Variants in CBFA2T3 observed in about 807,000 individuals in gnomAD.
CBFA2T3 encodes the protein CBFA2/RUNX1 partner transcriptional co-repressor 3, also known as transcriptional corepressor CBFA2T3.
CBFA2T3 carries 31 observed loss-of-function variants against 58.6 expected under a neutral mutation model. The observed-to-expected ratio is 0.53, with a 90% CI of 0.40 to 0.71. The LOEUF is 0.71. CBFA2T3 is among the 30% of genes least tolerant of loss of function. CBFA2T3 has a pLI of 0.00. For missense variants in CBFA2T3, 1,076 were observed against 963.1 expected (o/e 1.12, Z -1.55); for synonymous variants, 531 against 421.9 (o/e 1.26, Z -3.17).
At chr16:88,922,582 C>G (rs1970956955) in intron 1 of CBFA2T3, among the ~76,000 whole-genome samples, 1 of 152,214 alleles carries the variant, frequency 6.6e-6, no homozygotes, top group Non-Finnish European at 1.5e-5. Flanking sequence ...CCTCTCCTAT[C>G]CCACGCCAGG....
intron 1 of CBFA2T3, among the ~76,000 whole-genome samples, chr16:88,948,247 CT>C (rs1448509535): frequency 6.6e-6 from 1 of 152,232 alleles, no homozygotes; most frequent in African/African-American, 2.4e-5. Flanking sequence ...TCTGTCCCCC[CT>C]CAATTCTGTT....
At chr16:88,920,630 G>A (rs942351479) in intron 1 of CBFA2T3, among the ~76,000 whole-genome samples, 1 of 152,174 alleles carries the variant, frequency 6.6e-6, no homozygotes, top group South Asian at 2.1e-4. Flanking sequence ...GGCCACAGGT[G>A]GTGCATGGTG....
chr16:88,932,655 G>C (rs992162324), intron 1 of CBFA2T3, among the ~76,000 whole-genome samples: 4 of 149,952 alleles, frequency 2.7e-5, no homozygotes, highest in African/African-American at 7.4e-5. Context: ...TATAAGTAAA[G>C]GGAAAAAAGA....
intron 1 of CBFA2T3, chr16:88,951,390 T>C (rs1169598492): frequency 2.2e-6 from 1 of 452,890 alleles, no homozygotes; most frequent in Admixed American, 2.4e-5. Context: ...TATCATACAA[T>C]TCTTTGAGAG....
chr16:88,945,394 A>C (rs1038278683), intron 1 of CBFA2T3, among the ~76,000 whole-genome samples: 8 of 152,276 alleles, frequency 5.3e-5, no homozygotes, highest in Non-Finnish European at 1.0e-4. Context: ...AGACTGGGAG[A>C]AAATATTTGG....
rs541807792 is a variant in CBFA2T3 at position 88,879,168 on chromosome 16, G to A, written c.1662+102C>T. ...CTGCTGCAGGATGCCCGTGACAACTGTGCTGATGCCACGTGGAGGCTCAGA... is the reference window on the plus strand; with the variant it reads ...CTGCTGCAGGATGCCCGTGACAACTATGCTGATGCCACGTGGAGGCTCAGA... On this transcript the variant is annotated intron_variant, in intron 11 of 11. Transcript: ENST00000268679. 121 of 1,033,592 alleles carry A rather than the reference G, an allele frequency of 1.2e-4. No homozygotes were observed. The African/African-American group carries it at 1.6e-3, about 14-fold the overall frequency. The allele number at this position is 1,033,592 out of a possible 1,614,324, so 64.0% of individuals were successfully genotyped here.
chr16:88,929,549 C>T (rs991585711), intron 1 of CBFA2T3, among the ~76,000 whole-genome samples: 1 of 152,268 alleles, frequency 6.6e-6, no homozygotes, highest in Non-Finnish European at 1.5e-5. Flanking sequence ...CCCACAGCTG[C>T]ATGGTCCACG....
At chr16:88,895,601 A>G (rs1248644619) in intron 3 of CBFA2T3, among the ~76,000 whole-genome samples, 2 of 151,996 alleles carry the variant, frequency 1.3e-5, no homozygotes, top group Non-Finnish European at 2.9e-5. Flanking sequence ...TGTGCTCTGG[A>G]TGTTCTTGGT....
At chr16:88,957,900 C>A (rs1972258815) in intron 1 of CBFA2T3, 1 of 152,192 alleles carries the variant, frequency 6.6e-6, no homozygotes, top group Non-Finnish European at 1.5e-5. Context: ...GGAAAATGTT[C>A]TAAAACTTGT....
chr16:88,879,355 T>C lies in CBFA2T3; in HGVS notation c.1577A>G (p.Lys526Arg). 6.2e-7 allele frequency: 1 copy of C among 1,612,846 alleles called. No individual in the cohort carries two copies. The highest frequency in any genetic ancestry group is 2.2e-5 in the East Asian group (1 of 44,862). ...CGCCTCGGCCAGGGCCCGCTCCATC[T>C]TGGCACGCTCCGTGGTGATGAGCTC... is the stretch of plus-strand genomic sequence containing the variant. ...AHELITTERA[K>R]MERALAEAKR... The change falls in exon 11 of 12, where the codon AAG becomes AGG. Residue 526 changes from lysine to arginine, a missense_variant. Transcript: ENST00000268679.
intron 5 of CBFA2T3, among the ~76,000 whole-genome samples, chr16:88,890,624 G>A (rs974236664): frequency 6.6e-6 from 1 of 152,232 alleles, no homozygotes; most frequent in African/African-American, 2.4e-5. Context: ...CGCAGAGATG[G>A]CAGTCTGACT....
chr16:88,891,270 G>A (rs543817679), intron 5 of CBFA2T3, among the ~76,000 whole-genome samples: 1 of 152,260 alleles, frequency 6.6e-6, no homozygotes, highest in African/African-American at 2.4e-5. Context: ...CCATACCTCA[G>A]GGCCTCTGCA....
intron 1 of CBFA2T3, among the ~76,000 whole-genome samples, chr16:88,911,320 G>A (rs958692933): frequency 3.3e-5 from 5 of 152,248 alleles, no homozygotes; most frequent in Admixed American, 1.3e-4. Context: ...TTCGCCTCCC[G>A]CGCCGCTGTG....
At chr16:88,905,783 G>C (rs529602027) in intron 1 of CBFA2T3, among the ~76,000 whole-genome samples, 42 of 148,518 alleles carry the variant, frequency 2.8e-4, no homozygotes, top group Non-Finnish European at 5.1e-4. Context: ...AGGGGGCGGG[G>C]CTGAGAGCTA....
At chr16:88,880,586 C>A (rs776243417) in intron 10 of CBFA2T3, 134 bp downstream of exon 10, 3 of 731,292 alleles carry the variant, frequency 4.1e-6, no homozygotes, top group Non-Finnish European at 6.9e-6. Context: ...AGCCACACAG[C>A]GGAATGCAGA....
In CBFA2T3 at chr16:88,897,599, G is replaced by A. The variant is rs563656731; in HGVS notation, c.379+479C>T. 3.0e-4 allele frequency among the ~76,000 whole-genome samples: 46 copies of A among 152,370 alleles called. No individual in the cohort carries two copies. In the South Asian group the frequency reaches 9.3e-3, roughly 31 times the overall value. On this transcript the variant is annotated intron_variant, in intron 3 of 11. Coordinates refer to ENST00000268679, the MANE Select transcript of CBFA2T3 (RefSeq NM_005187.6). Reference sequence around the variant, plus strand: ...CTCCTGGAGATCACCATTGGCACTAGGGGCCATGATGACTTCCATTTTACA... The same window carrying A: ...CTCCTGGAGATCACCATTGGCACTAAGGGCCATGATGACTTCCATTTTACA...
Position 88,882,681 on chromosome 16 carries a change from T to A in CBFA2T3, c.1198A>T (p.Asn400Tyr). Reference protein sequence around the residue: ...REWAEEWKHLNNLLNCIMDMV... With the variant: ...REWAEEWKHLYNLLNCIMDMV... The stretch of plus-strand genomic sequence containing the variant: ...GGCTGTGTGTGGACACTCACGTTGT[T>A]GAGGTGCTTCCACTCTTCTGCCCAC... Residue 400 changes from asparagine (N) to tyrosine (Y), a missense_variant, in exon 8 of 12, where the codon AAC becomes TAC. By Grantham distance (143) the Asn-to-Tyr change is moderately radical. Transcript: ENST00000268679. 1.3e-6 allele frequency: 2 copies of A among 1,580,502 alleles called. No homozygotes were observed. The highest frequency in any genetic ancestry group is 1.7e-6 in the Non-Finnish European group (2 of 1,162,210).
intron 1 of CBFA2T3, among the ~76,000 whole-genome samples, chr16:88,917,608 ACT>A (rs1237815924): frequency 6.6e-6 from 1 of 152,112 alleles, no homozygotes; most frequent in African/African-American, 2.4e-5. Flanking sequence ...ATCACCTTGA[ACT>A]CTGCAGAGGG....
chr16:88,907,458 A>C (rs1970376058), intron 1 of CBFA2T3, among the ~76,000 whole-genome samples: 1 of 152,240 alleles, frequency 6.6e-6, no homozygotes, highest in Non-Finnish European at 1.5e-5. Flanking sequence ...TCTGACGAGA[A>C]GGGCTCTGAC....
Sources: gnomAD v4.1 joint callset for allele counts (sites outside exome capture counted in the v4.1 genomes callset) on GRCh38, gnomAD v4.1.1 for gene constraint, MANE v1.5 for transcripts, NCBI Gene and HGNC (gene_info 2026-07-23, HGNC 2026-07-21) for gene names.